GABRA3: variants seen among roughly 807,000 people sequenced by gnomAD.
GABRA3 encodes gamma-aminobutyric acid receptor subunit alpha-3.
Under a neutral mutation model 30.1 loss-of-function variants are expected in GABRA3, and 10 were observed. That is an observed-to-expected ratio of 0.33 (90% CI 0.20 to 0.56). GABRA3 has a LOEUF of 0.56. GABRA3 is among the 20% of genes least tolerant of loss of function. The probability of loss-of-function intolerance (pLI) is 0.89; values close to 1 mark genes in which losing one functional copy is unlikely to be tolerated. For missense variants in GABRA3, 233 were observed against 392.0 expected (o/e 0.59, Z 3.42); for synonymous variants, 151 against 146.8 (o/e 1.03, Z -0.21).
chrX:152,234,792 T>C (rs2124392519), intron 5 of GABRA3, among the ~76,000 whole-genome samples: 1 of 111,825 alleles, frequency 8.9e-6, no homozygotes, highest in South Asian at 3.7e-4. Context: ...GGTATGAAGC[T>C]TTATTTCTGA....
At chrX:152,194,792 C>T (rs916100492) in intron 8 of GABRA3, among the ~76,000 whole-genome samples, 1 of 111,443 alleles carries the variant, frequency 9.0e-6, no homozygotes, top group Non-Finnish European at 1.9e-5. Context: ...CAGGGTCTCA[C>T]TCTGTCACCC....
rs2124320413 is a variant in GABRA3 at position 152,168,244 on chromosome X, A to G, written c.1463T>C (p.Met488Thr). The G allele has an allele frequency of 8.3e-7, 1 of 1,210,181 alleles. No individual in the cohort carries two copies. The highest frequency in any genetic ancestry group is 1.1e-6 in the Non-Finnish European group (1 of 894,075). ...CACCACTATCTACTGTTTGCGGATC[A>G]TGCCCTTGATAGCTGACTCCCGGTT... Reference protein sequence around the residue: ...YVNRESAIKGMIRKQ With the variant: ...YVNRESAIKGTIRKQ Residue 488 changes from methionine to threonine, a missense_variant, in exon 10 of 10, where the codon ATG (methionine) becomes ACG (threonine). Met to Thr is a moderately conservative substitution (Grantham distance 81). Transcript: ENST00000370314.
intron 5 of GABRA3, among the ~76,000 whole-genome samples, chrX:152,255,472 T>G (rs933127080): frequency 8.9e-6 from 1 of 111,737 alleles, no homozygotes; most frequent in African/African-American, 3.2e-5. Context: ...TAAGTGTCCT[T>G]GAATACATTA....
intron 4 of GABRA3, among the ~76,000 whole-genome samples, chrX:152,284,206 T>C (rs1021111684): frequency 9.0e-6 from 1 of 111,634 alleles, no homozygotes; most frequent in Non-Finnish European, 1.9e-5. Context: ...TTCTCCAAAC[T>C]GTTTGTATCA....
At chrX:152,257,466 T>C (rs1938656076) in intron 4 of GABRA3, among the ~76,000 whole-genome samples, 1 of 112,903 alleles carries the variant, frequency 8.9e-6, no homozygotes, top group Non-Finnish European at 1.9e-5. Context: ...TCCAATCGTA[T>C]GTGGGATGAA....
chrX:152,188,121 A>G (rs1344249543), intron 9 of GABRA3, among the ~76,000 whole-genome samples: 1 of 111,388 alleles, frequency 9.0e-6, no homozygotes, highest in Non-Finnish European at 1.9e-5. Flanking sequence ...ATCATTAAAA[A>G]TAACTCATGA....
intron 9 of GABRA3, among the ~76,000 whole-genome samples, chrX:152,182,722 G>GTACACTA (rs1569348625): frequency 5.3e-3 from 17 of 3,213 alleles, no homozygotes; most frequent in African/African-American, 0.03. Context: ...ACATATATAG[G>GTACACTA]TATAGTGTAT....
intron 9 of GABRA3, among the ~76,000 whole-genome samples, chrX:152,181,159 T>C (rs1937140855): frequency 8.9e-6 from 1 of 112,061 alleles, no homozygotes. Context: ...TTAATTCTTC[T>C]AGCCATGAAC....
rs1939256166 is a variant in GABRA3, at chrX:152,284,535, C to T, written c.330+133G>A. ...ATGGATTTGGCTAAACGTAGGGTGGCGAGGGTAGGAAATTCATATGAGAAA... is the reference window on the plus strand; with the variant it reads ...ATGGATTTGGCTAAACGTAGGGTGGTGAGGGTAGGAAATTCATATGAGAAA... On this transcript the variant is annotated intron_variant, in intron 4 of 9. Transcript: ENST00000370314. 7 of 401,761 alleles carry T rather than the reference C, an allele frequency of 1.7e-5. No individual in the cohort carries two copies. In the South Asian group the frequency reaches 2.0e-4, roughly 11 times the overall value. The allele number at this position is 401,761 out of a possible 1,213,427, so 33.1% of individuals were successfully genotyped here.
chrX:152,441,021 A>G (rs1930915729), intron 1 of GABRA3, among the ~76,000 whole-genome samples: 2 of 110,039 alleles, frequency 1.8e-5, no homozygotes, highest in South Asian at 3.9e-4. Context: ...TAAAAAAAAA[A>G]AAAAGAAAAG....
At chrX:152,444,924 G>A (rs772819456) in intron 1 of GABRA3, among the ~76,000 whole-genome samples, 15 of 93,548 alleles carry the variant, frequency 1.6e-4, no homozygotes, top group African/African-American at 3.8e-4. Context: ...AGCCGGGCGT[G>A]GTGGCGGGCG....
At chrX:152,241,524 G>A (rs1476657401) in intron 5 of GABRA3, among the ~76,000 whole-genome samples, 3 of 107,733 alleles carry the variant, frequency 2.8e-5, no homozygotes, top group African/African-American at 1.0e-4. Flanking sequence ...GAGCTGTGGT[G>A]GGCTCCACCC....
At chrX:152,229,723 T>C (rs917218139) in intron 5 of GABRA3, among the ~76,000 whole-genome samples, 1 of 110,427 alleles carries the variant, frequency 9.1e-6, no homozygotes, top group African/African-American at 3.3e-5. Context: ...CTAGATAGTA[T>C]AAGGGCTCCT....
intron 1 of GABRA3, among the ~76,000 whole-genome samples, chrX:152,392,703 C>A (rs1033724809): frequency 4.5e-5 from 5 of 112,068 alleles, no homozygotes; most frequent in Non-Finnish European, 5.6e-5. Flanking sequence ...CATGTTCAGA[C>A]AAAAGTTGAT....
intron 2 of GABRA3, among the ~76,000 whole-genome samples, chrX:152,351,635 G>T (rs1940480056): frequency 1.8e-5 from 2 of 111,989 alleles, no homozygotes; most frequent in Admixed American, 9.5e-5. Flanking sequence ...TATCATTTAT[G>T]TGCTCACTGG....
intron 3 of GABRA3, among the ~76,000 whole-genome samples, chrX:152,307,568 A>G (rs1939738727): frequency 8.9e-6 from 1 of 111,843 alleles, no homozygotes; most frequent in Non-Finnish European, 1.9e-5. Flanking sequence ...CAGACTAGAC[A>G]TAGCCAGGAA....
chrX:152,385,404 C>T (rs763175311), intron 1 of GABRA3, among the ~76,000 whole-genome samples: 3 of 111,821 alleles, frequency 2.7e-5, no homozygotes, highest in Non-Finnish European at 5.6e-5. Flanking sequence ...TGTATTCATA[C>T]AAAGGAATAC....
chrX:152,226,087 A>G (rs1041620388), intron 5 of GABRA3, among the ~76,000 whole-genome samples: 1 of 111,707 alleles, frequency 9.0e-6, no homozygotes, highest in Non-Finnish European at 1.9e-5. Flanking sequence ...TGTTGAGGCA[A>G]CAAATAAAGA....
intron 4 of GABRA3, among the ~76,000 whole-genome samples, chrX:152,265,548 A>G (rs1268506046): frequency 1.8e-5 from 2 of 111,815 alleles, no homozygotes; most frequent in African/African-American, 6.5e-5. Flanking sequence ...AAAAAGGAAG[A>G]AAAACTTCAA....
Sources: allele counts gnomAD v4.1 joint callset (sites outside exome capture counted in the v4.1 genomes callset), GRCh38; gene constraint gnomAD v4.1.1; transcripts MANE v1.5; gene names NCBI Gene and HGNC (gene_info 2026-07-23, HGNC 2026-07-21).